The following CFAP20DC variants were observed in gnomAD, a reference collection of about 807,000 sequenced individuals.
The protein encoded by CFAP20DC is CFAP20 domain containing, also known as protein CFAP20DC.
A neutral mutation model predicts 101.7 loss-of-function variants in CFAP20DC; 84 were observed. The observed-to-expected ratio is 0.83, with a 90% confidence interval of 0.69 to 0.99. The LOEUF (loss-of-function observed/expected upper bound fraction) is 0.99, where lower values mean the gene tolerates loss of function less well. CFAP20DC is among the 50% of genes least tolerant of loss of function. The probability of loss-of-function intolerance (pLI) is 0.00; values close to 1 mark genes in which losing one functional copy is unlikely to be tolerated. For synonymous variants in CFAP20DC, 359 were observed against 351.2 expected, an observed-to-expected ratio of 1.02 and a Z score of -0.25; for missense variants, 1,007 against 970.3, an observed-to-expected ratio of 1.04 and a Z score of -0.50.
chr3:58,831,663 A>G lies in CFAP20DC; in HGVS notation c.2175+23T>C, dbSNP rs913321710. 21 of 1,607,478 alleles carry G rather than the reference A, an allele frequency of 1.3e-5. No homozygotes were observed. In the East Asian group the frequency reaches 4.7e-4, roughly 36 times the overall value. On this transcript the variant is annotated intron_variant, in intron 14 of 16. Transcript: ENST00000482387. ...TTGCTCCTTGTTAAGCAATGAGAGG[A>G]AGCTGCAAAGCCAGGGACTCACGGG...
At chr3:58,903,322 G>C (rs1266354715) in intron 6 of CFAP20DC, among the ~76,000 whole-genome samples, 1 of 152,004 alleles carries the variant, frequency 6.6e-6, no homozygotes, top group Non-Finnish European at 1.5e-5. Flanking sequence ...GTTAATTTTT[G>C]TATACGATAT....
chr3:58,902,365 G>T (rs2083222244), intron 6 of CFAP20DC, among the ~76,000 whole-genome samples: 1 of 152,124 alleles, frequency 6.6e-6, no homozygotes, highest in African/African-American at 2.4e-5. Context: ...CTGAGGAACT[G>T]CCACACTGTT....
chr3:58,781,486 TAAA>T (rs927606433), intron 15 of CFAP20DC, among the ~76,000 whole-genome samples: 7 of 151,608 alleles, frequency 4.6e-5, no homozygotes, highest in African/African-American at 1.7e-4. Flanking sequence ...TAAAAAATAA[TAAA>T]AAGGATCAAC....
At chr3:58,875,398 G>C (rs1170353106) in intron 7 of CFAP20DC, among the ~76,000 whole-genome samples, 4 of 152,118 alleles carry the variant, frequency 2.6e-5, no homozygotes, top group Non-Finnish European at 2.9e-5. Context: ...ACAAATTCTA[G>C]ACTATTCATT....
chr3:58,955,953 C>T (rs1367459686), intron 4 of CFAP20DC, among the ~76,000 whole-genome samples: 1 of 151,338 alleles, frequency 6.6e-6, no homozygotes, highest in Non-Finnish European at 1.5e-5. Flanking sequence ...AGAAGGGAAC[C>T]CACTGCCTTG....
At chr3:58,880,076 CATA>C (rs2081110859) in intron 7 of CFAP20DC, among the ~76,000 whole-genome samples, 1 of 151,786 alleles carries the variant, frequency 6.6e-6, no homozygotes, top group Admixed American at 6.6e-5. Context: ...AGAAATGTCC[CATA>C]ATTACTCTGA....
chr3:58,869,518 A>T lies in CFAP20DC; in HGVS notation c.853-28T>A, dbSNP rs572740183. On this transcript the variant is annotated intron_variant, in intron 8 of 16. Transcript: ENST00000482387. The surrounding 1 kb of genome is among the most constrained non-coding windows in gnomAD (Gnocchi z 4.3). ...GTAAAGGAATTAATCTGTACATTTT[A>T]AAATATAGCAACTACATTTGTTTTC... is the stretch of plus-strand genomic sequence containing the variant. 2 of 1,506,668 alleles carry T rather than the reference A, an allele frequency of 1.3e-6. No individual in the cohort carries two copies. The highest frequency in any genetic ancestry group is 4.7e-5 in the East Asian group (2 of 42,120). 93.3% of individuals were successfully genotyped at this position (1,506,668 alleles called of 1,614,324 possible).
chr3:58,812,214 C>G (rs937656680), intron 14 of CFAP20DC, among the ~76,000 whole-genome samples: 1 of 152,026 alleles, frequency 6.6e-6, no homozygotes, highest in Non-Finnish European at 1.5e-5. Flanking sequence ...GGTATATACC[C>G]AAAGGACTAT....
At chr3:58,889,234 C>T (rs578060888) in intron 6 of CFAP20DC, among the ~76,000 whole-genome samples, 14 of 152,252 alleles carry the variant, frequency 9.2e-5, no homozygotes, top group East Asian at 3.9e-4. Flanking sequence ...AACTGGGCAG[C>T]GTAGTTCTAG....
At chr3:58,754,115 T>C (rs2107265276) in intron 15 of CFAP20DC, among the ~76,000 whole-genome samples, 1 of 152,340 alleles carries the variant, frequency 6.6e-6, no homozygotes, top group East Asian at 1.9e-4. Flanking sequence ...TTATTATTGT[T>C]GTTATTAAAT....
intron 3 of CFAP20DC, among the ~76,000 whole-genome samples, chr3:58,735,456 G>C (rs769923098): frequency 9.2e-5 from 14 of 152,208 alleles, no homozygotes; most frequent in Non-Finnish European, 1.8e-4. Context: ...TCTGTTGATT[G>C]AAACTCTCAA....
chr3:59,020,438 A>G (rs558217067), intron 4 of CFAP20DC, among the ~76,000 whole-genome samples: 4 of 152,220 alleles, frequency 2.6e-5, no homozygotes, highest in African/African-American at 9.6e-5. Context: ...CAAAAGCCAC[A>G]GGATCTAGAA....
intron 4 of CFAP20DC, among the ~76,000 whole-genome samples, chr3:59,021,811 G>C (rs1358780346): frequency 2.0e-5 from 3 of 152,098 alleles, no homozygotes; most frequent in Non-Finnish European, 4.4e-5. Context: ...GGGGAAGAGA[G>C]AGACAGAGAG....
intron 4 of CFAP20DC, among the ~76,000 whole-genome samples, chr3:58,952,786 C>T (rs1395649053): frequency 6.6e-6 from 1 of 152,080 alleles, no homozygotes; most frequent in Non-Finnish European, 1.5e-5. Context: ...TATCACAGTA[C>T]TCTCACAGAG....
chr3:58,724,110 C>A lies in CFAP20DC; in HGVS notation c.198-6482G>T, dbSNP rs573493802. On this transcript the variant is annotated intron_variant, in intron 3 of 3. Transcript: ENST00000486145. This position sits in a 1 kb window ranked among gnomAD's most constrained non-coding sequence, Gnocchi z 5.6. ...GAGGGTGCTCCATGCTGTGGAGGGGCCTGGGGAATTCTCAAGTTGGTTTGT... is the reference window on the plus strand; with the variant it reads ...GAGGGTGCTCCATGCTGTGGAGGGGACTGGGGAATTCTCAAGTTGGTTTGT... Among the ~76,000 whole-genome samples the A allele has an allele frequency of 3.9e-5, 6 of 152,184 alleles. No homozygotes were observed. The East Asian group carries it at 1.2e-3, about 30-fold the overall frequency.
intron 6 of CFAP20DC, among the ~76,000 whole-genome samples, chr3:58,901,201 G>A (rs1454936998): frequency 1.3e-5 from 2 of 152,152 alleles, no homozygotes. Context: ...AAAGTTCTCT[G>A]CCAAAATATT....
chr3:58,761,871 T>A (rs1451634737), intron 15 of CFAP20DC, among the ~76,000 whole-genome samples: 1 of 152,174 alleles, frequency 6.6e-6, no homozygotes, highest in African/African-American at 2.4e-5. Flanking sequence ...TAATCCTGAG[T>A]TCTAGTTTGA....
At chr3:58,803,133 T>A (rs1447395782) in intron 15 of CFAP20DC, among the ~76,000 whole-genome samples, 1 of 152,212 alleles carries the variant, frequency 6.6e-6, no homozygotes, top group Admixed American at 6.5e-5. Context: ...TCTGGAATAG[T>A]TGCAGATGTC....
chr3:58,815,249 C>A (rs1453212948), intron 14 of CFAP20DC, among the ~76,000 whole-genome samples: 2 of 147,756 alleles, frequency 1.4e-5, no homozygotes, highest in Admixed American at 6.8e-5. Flanking sequence ...GAAAAACAAG[C>A]AATGGGGAAA....
Sources: allele counts gnomAD v4.1 joint callset (sites outside exome capture counted in the v4.1 genomes callset), GRCh38; gene constraint gnomAD v4.1.1; non-coding constraint Gnocchi (gnomAD v3.1); transcripts MANE v1.5; gene names NCBI Gene and HGNC (gene_info 2026-07-23, HGNC 2026-07-21).